The following GALNT17 variants were observed in gnomAD, a reference collection of about 807,000 sequenced individuals.
GALNT17 encodes the protein polypeptide N-acetylgalactosaminyltransferase 17, also known as UDP-GalNAc:polypeptide N-acetylgalactosaminyltransferase-like 3.
A neutral mutation model predicts 63.7 loss-of-function variants in GALNT17; 29 were observed. That is an observed-to-expected ratio of 0.46 (90% CI 0.34 to 0.62). GALNT17 has a LOEUF of 0.62. Ranked by LOEUF, GALNT17 falls within the 20% of genes least tolerant of loss-of-function variation. The probability of loss-of-function intolerance (pLI) is 0.01; values close to 1 mark genes in which losing one functional copy is unlikely to be tolerated. For missense variants in GALNT17, 603 were observed against 799.6 expected (o/e 0.75, Z 2.97); for synonymous variants, 305 against 318.3 (o/e 0.96, Z 0.45).
chr7:71,156,281 G>A (rs1412492801), intron 1 of GALNT17, among the ~76,000 whole-genome samples: 4 of 151,982 alleles, frequency 2.6e-5, no homozygotes, highest in Admixed American at 6.5e-5. Flanking sequence ...GCATAGAGCA[G>A]GCTAGGGCTT....
chr7:71,568,016 C>A (rs1789377562), intron 5 of GALNT17, among the ~76,000 whole-genome samples: 1 of 152,148 alleles, frequency 6.6e-6, no homozygotes, highest in East Asian at 1.9e-4. Context: ...TACAGTCCAC[C>A]CTTTGGCTCC....
chr7:71,305,363 A>C (rs2115903814), intron 1 of GALNT17, among the ~76,000 whole-genome samples: 1 of 152,224 alleles, frequency 6.6e-6, no homozygotes, highest in East Asian at 1.9e-4. Flanking sequence ...ATTCTCCTTA[A>C]ATTGTAGATC....
At chr7:71,428,876 C>T (rs769796909) in intron 5 of GALNT17, among the ~76,000 whole-genome samples, 3 of 152,180 alleles carry the variant, frequency 2.0e-5, no homozygotes, top group Non-Finnish European at 2.9e-5. Context: ...CCAGAGGGCA[C>T]GTTCCCTTTC....
In GALNT17 at chr7:71,136,223, G is replaced by A. The variant is rs932180644; in HGVS notation, c.238+3183G>A. ...GGGCTCCTAGTGCCTGGGGAGACAC[G>A]TGCTCTCTTGCTCTGCAGCCGGTCT... is the stretch of plus-strand genomic sequence containing the variant. On this transcript the variant is annotated intron_variant, in intron 1 of 10. Coordinates refer to ENST00000333538, the MANE Select transcript of GALNT17 (RefSeq NM_022479.3). Among the ~76,000 whole-genome samples, 5 of 152,194 alleles carry A rather than the reference G, an allele frequency of 3.3e-5. No homozygotes were observed. In the South Asian group the frequency reaches 6.2e-4, roughly 19 times the overall value.
At chr7:71,255,853 C>A (rs1417681836) in intron 1 of GALNT17, among the ~76,000 whole-genome samples, 1 of 152,114 alleles carries the variant, frequency 6.6e-6, no homozygotes, top group Non-Finnish European at 1.5e-5. Flanking sequence ...AGTCCTCCCC[C>A]AGCCACATGA....
intron 6 of GALNT17, among the ~76,000 whole-genome samples, chr7:71,662,721 A>G (rs1790927162): frequency 6.6e-6 from 1 of 152,228 alleles, no homozygotes; most frequent in South Asian, 2.1e-4. Flanking sequence ...TTTTTCCCAA[A>G]TAATATCCCA....
At chr7:71,580,399 T>TGATAGATA (rs59745749) in intron 6 of GALNT17, among the ~76,000 whole-genome samples, 1,755 of 147,556 alleles carry the variant, frequency 0.012, 14 homozygotes, top group African/African-American at 0.018. Flanking sequence ...GATAGATGGA[T>TGATAGATA]GATAGATAGA....
At chr7:71,401,619 TCTC>T (rs1217455632) in intron 3 of GALNT17, among the ~76,000 whole-genome samples, 1 of 152,008 alleles carries the variant, frequency 6.6e-6, no homozygotes, top group African/African-American at 2.4e-5. Flanking sequence ...CTGAGCTCCA[TCTC>T]CTGTCAGATC....
chr7:71,179,065 G>T (rs974604026), intron 1 of GALNT17, among the ~76,000 whole-genome samples: 3 of 152,118 alleles, frequency 2.0e-5, no homozygotes, highest in Non-Finnish European at 4.4e-5. Context: ...GATCCTTTGG[G>T]CTAGCTAATG....
At chr7:71,467,293 C>T (rs1049220849) in intron 5 of GALNT17, among the ~76,000 whole-genome samples, 2 of 152,076 alleles carry the variant, frequency 1.3e-5, no homozygotes, top group African/African-American at 4.8e-5. Context: ...GAGGCCAGGC[C>T]ACATGTCTCT....
chr7:71,168,705 A>ATGTGTGTG (rs10536926), intron 1 of GALNT17, among the ~76,000 whole-genome samples: 11,832 of 149,080 alleles, frequency 0.079, 818 homozygotes, highest in African/African-American at 0.17. Context: ...AGTTACGTGT[A>ATGTGTGTG]TGTGTGTGTG....
intron 6 of GALNT17, among the ~76,000 whole-genome samples, chr7:71,612,111 C>A (rs1443580707): frequency 6.6e-6 from 1 of 152,146 alleles, no homozygotes; most frequent in Non-Finnish European, 1.5e-5. Flanking sequence ...ACATTAAATT[C>A]AAATGGAATG....
chr7:71,362,054 T>G (rs1437723222), intron 2 of GALNT17, among the ~76,000 whole-genome samples: 1 of 152,128 alleles, frequency 6.6e-6, no homozygotes, highest in Non-Finnish European at 1.5e-5. Flanking sequence ...CCTCTTGGGT[T>G]CAAGAGATTC....
intron 1 of GALNT17, among the ~76,000 whole-genome samples, chr7:71,248,370 A>G (rs1414665497): frequency 1.3e-5 from 2 of 152,210 alleles, no homozygotes; most frequent in Non-Finnish European, 2.9e-5. Flanking sequence ...GCCAAACCGT[A>G]TCAGTTGGTC....
At chr7:71,433,972 G>T (rs1786914259) in intron 5 of GALNT17, among the ~76,000 whole-genome samples, 1 of 152,084 alleles carries the variant, frequency 6.6e-6, no homozygotes, top group South Asian at 2.1e-4. Flanking sequence ...GGAAGGACTA[G>T]ATTGGCTGAG....
rs567553016 is a variant in GALNT17, at chr7:71,467,931, G to A, written c.962+46826G>A. On this transcript the variant is annotated intron_variant, in intron 5 of 10. Transcript: ENST00000333538. ...TGCCAAAATTACACGGGCATCCTGG[G>A]TGAGAACCTCTACACCAGCCAGGCC... 7.2e-5 allele frequency among the ~76,000 whole-genome samples: 11 copies of A among 151,868 alleles called. No homozygotes were observed. In the East Asian group the frequency reaches 1.9e-3, roughly 27 times the overall value.
At chr7:71,158,940 T>C (rs1788289251) in intron 1 of GALNT17, among the ~76,000 whole-genome samples, 1 of 151,912 alleles carries the variant, frequency 6.6e-6, no homozygotes, top group African/African-American at 2.4e-5. Flanking sequence ...ATGAATATGT[T>C]TCATTCTGTT....
intron 9 of GALNT17, among the ~76,000 whole-genome samples, chr7:71,700,819 A>G (rs553014549): frequency 6.6e-6 from 1 of 152,282 alleles, no homozygotes; most frequent in South Asian, 2.1e-4. Flanking sequence ...TTTCCTAGCA[A>G]TATTTCACAT....
chr7:71,447,725 T>G (rs888210789), intron 5 of GALNT17, among the ~76,000 whole-genome samples: 2 of 152,216 alleles, frequency 1.3e-5, no homozygotes, highest in African/African-American at 4.8e-5. Flanking sequence ...CAGCTTTTTG[T>G]TTTTCCTGTA....
Sources: gnomAD v4.1 joint callset for allele counts (sites outside exome capture counted in the v4.1 genomes callset) on GRCh38, gnomAD v4.1.1 for gene constraint, MANE v1.5 for transcripts, NCBI Gene and HGNC (gene_info 2026-07-23, HGNC 2026-07-21) for gene names.